VEGFC: variants seen among roughly 807,000 people sequenced by gnomAD.
VEGFC encodes the protein vascular endothelial growth factor C, also known as FLT4 ligand DHM.
Under a neutral mutation model 46.1 loss-of-function variants are expected in VEGFC, and 12 were observed. The observed-to-expected ratio is 0.26, with a 90% CI of 0.17 to 0.42. The LOEUF is 0.42. VEGFC is among the 10% of genes least tolerant of loss of function. VEGFC has a pLI of 1.00. For missense variants in VEGFC, 488 were observed against 529.4 expected (o/e 0.92, Z 0.77); for synonymous variants, 232 against 195.5 (o/e 1.19, Z -1.56).
intron 1 of VEGFC, among the ~76,000 whole-genome samples, chr4:176,749,702 A>G (rs1735310735): frequency 6.6e-6 from 1 of 151,888 alleles, no homozygotes; most frequent in South Asian, 2.1e-4. Context: ...GGTCAAATAT[A>G]TACCAAAAAT....
At chr4:176,712,438 TTAAA>T (rs1734634902) in intron 3 of VEGFC, among the ~76,000 whole-genome samples, 1 of 152,178 alleles carries the variant, frequency 6.6e-6, no homozygotes, top group Non-Finnish European at 1.5e-5. Context: ...ATGTTTTAAA[TTAAA>T]TAAACAAATA....
chr4:176,715,548 T>C (rs879939049), intron 3 of VEGFC, among the ~76,000 whole-genome samples: 1 of 152,138 alleles, frequency 6.6e-6, no homozygotes, highest in African/African-American at 2.4e-5. Flanking sequence ...TTTTTCTAAT[T>C]CTTTCTGTGC....
intron 1 of VEGFC, among the ~76,000 whole-genome samples, chr4:176,761,600 T>A (rs542137352): frequency 1.3e-4 from 20 of 152,184 alleles, no homozygotes; most frequent in Non-Finnish European, 2.9e-4. Flanking sequence ...CAGTAATTTG[T>A]AATGTTGAAT....
At chr4:176,687,783 C>A in intron 5 of VEGFC, 38 bp downstream of exon 5, 1 of 1,409,148 alleles carries the variant, frequency 7.1e-7, no homozygotes, top group South Asian at 1.2e-5. Flanking sequence ...ACAATATAGA[C>A]CCCTGGCGTT....
rs1312570015 is a variant in VEGFC at position 176,737,537 on chromosome 4, A to T, written c.148-7791T>A. Among the ~76,000 whole-genome samples, 4 of 150,914 alleles carry T rather than the reference A, an allele frequency of 2.7e-5. No individual in the cohort carries two copies. In the Admixed American group the frequency reaches 2.7e-4, roughly 10 times the overall value. On this transcript the variant is annotated intron_variant, in intron 1 of 6. Coordinates refer to ENST00000618562, the MANE Select transcript of VEGFC (RefSeq NM_005429.5). ...TAATTTATGAATGTTCAAAATAAAA[A>T]GTTTGAAAAGAAAATATACCTTTCT... is the stretch of plus-strand genomic sequence containing the variant.
intron 1 of VEGFC, among the ~76,000 whole-genome samples, chr4:176,782,335 G>A (rs1162847982): frequency 1.3e-5 from 2 of 152,004 alleles, no homozygotes; most frequent in African/African-American, 2.4e-5. Flanking sequence ...GGGGTGGCAC[G>A]TGCCTGTGAT....
chr4:176,767,121 T>C (rs537015060), intron 1 of VEGFC, among the ~76,000 whole-genome samples: 1 of 4,944 alleles, frequency 2.0e-4, no homozygotes, highest in Non-Finnish European at 6.5e-4. Context: ...ATTGTAGAAA[T>C]CTAAAAAAAA....
intron 3 of VEGFC, among the ~76,000 whole-genome samples, chr4:176,721,101 A>G (rs1464635683): frequency 6.6e-6 from 1 of 152,138 alleles, no homozygotes; most frequent in African/African-American, 2.4e-5. Context: ...TATTGACATA[A>G]CCCAAGAAGT....
chr4:176,768,571 G>A (rs994858668), intron 1 of VEGFC, among the ~76,000 whole-genome samples: 1 of 145,396 alleles, frequency 6.9e-6, no homozygotes, highest in East Asian at 2.1e-4. Context: ...TTTATGGCTT[G>A]GGAGAGATGG....
intron 4 of VEGFC, among the ~76,000 whole-genome samples, chr4:176,703,933 C>T (rs1019935963): frequency 1.3e-5 from 2 of 152,110 alleles, no homozygotes; most frequent in African/African-American, 4.8e-5. Context: ...ATTTCTTTCA[C>T]TGTCTTGCTT....
chr4:176,732,024 G>C (rs1734975821), intron 1 of VEGFC, among the ~76,000 whole-genome samples: 1 of 151,736 alleles, frequency 6.6e-6, no homozygotes, highest in Non-Finnish European at 1.5e-5. Flanking sequence ...TATACTCTTA[G>C]GCTGAAAAAG....
intron 1 of VEGFC, among the ~76,000 whole-genome samples, chr4:176,773,376 G>A (rs1440445599): frequency 1.3e-5 from 2 of 152,124 alleles, no homozygotes; most frequent in Non-Finnish European, 2.9e-5. Flanking sequence ...ACTCCAATTT[G>A]CTTTAGCCAC....
At chr4:176,753,066 G>T (rs560815589) in intron 1 of VEGFC, among the ~76,000 whole-genome samples, 1 of 152,154 alleles carries the variant, frequency 6.6e-6, no homozygotes, top group East Asian at 1.9e-4. Context: ...GAGAAATTTT[G>T]CCCCGCCTCT....
chr4:176,747,391 TA>T (rs754279624), intron 1 of VEGFC, among the ~76,000 whole-genome samples: 5 of 151,874 alleles, frequency 3.3e-5, no homozygotes, highest in African/African-American at 7.3e-5. Context: ...AAATCCCTTT[TA>T]AAAAAAAGAA....
At chr4:176,709,676 G>C (rs1734589417) in intron 4 of VEGFC, among the ~76,000 whole-genome samples, 1 of 152,114 alleles carries the variant, frequency 6.6e-6, no homozygotes, top group Non-Finnish European at 1.5e-5. Context: ...AATAATGGAA[G>C]ACAAAACAAG....
intron 3 of VEGFC, among the ~76,000 whole-genome samples, chr4:176,712,213 T>C (rs1482992726): frequency 6.6e-6 from 1 of 152,162 alleles, no homozygotes; most frequent in Admixed American, 6.6e-5. Flanking sequence ...AAATTGATTA[T>C]GTTTAAAACA....
intron 4 of VEGFC, among the ~76,000 whole-genome samples, chr4:176,703,306 C>A (rs998287269): frequency 4.6e-5 from 7 of 151,952 alleles, no homozygotes; most frequent in African/African-American, 1.7e-4. Context: ...AAAAAGAATG[C>A]AATCCTGTCA....
chr4:176,753,723 C>T (rs910222973), intron 1 of VEGFC, among the ~76,000 whole-genome samples: 6 of 151,904 alleles, frequency 3.9e-5, no homozygotes, highest in Non-Finnish European at 5.9e-5. Flanking sequence ...AAGACAATAA[C>T]AAGGACAATT....
At chr4:176,773,942 A>G (rs950042709) in intron 1 of VEGFC, among the ~76,000 whole-genome samples, 7 of 151,978 alleles carry the variant, frequency 4.6e-5, no homozygotes, top group African/African-American at 1.7e-4. Flanking sequence ...CAGCTGAGTC[A>G]TTAGGGTGAG....
Sources: gnomAD v4.1 joint callset for allele counts (sites outside exome capture counted in the v4.1 genomes callset) on GRCh38, gnomAD v4.1.1 for gene constraint, MANE v1.5 for transcripts, NCBI Gene and HGNC (gene_info 2026-07-23, HGNC 2026-07-21) for gene names.